The following EFR3B variants were observed in gnomAD, a reference collection of about 807,000 sequenced individuals.
EFR3B encodes the protein EFR3 homolog B, also known as protein EFR3 homolog B.
In EFR3B, 64 loss-of-function variants were observed where a neutral mutation model predicts 104.7. The observed-to-expected ratio is 0.61, with a 90% CI of 0.50 to 0.75. The LOEUF (loss-of-function observed/expected upper bound fraction) is 0.75, where lower values mean the gene tolerates loss of function less well. EFR3B is among the 30% of genes least tolerant of loss of function. The pLI is 0.00. For synonymous variants in EFR3B, 385 were observed against 417.9 expected (o/e 0.92, Z 0.96); for missense variants, 750 against 1,078.5 (o/e 0.70, Z 4.27).
At position 25,136,415 on chromosome 2, in the gene EFR3B, G is replaced by A. The variant is rs1302415442; in HGVS notation, c.1485-108G>A. The A allele has an allele frequency of 7.1e-6, 6 of 846,184 alleles. No homozygotes were observed. The highest frequency in any genetic ancestry group is 5.6e-5 in the East Asian group (2 of 36,020). The allele number at this position is 846,184 out of a possible 1,614,324, so 52.4% of individuals were successfully genotyped here. On this transcript the variant is annotated intron_variant, in intron 13 of 22. Transcript: ENST00000403714. This position sits in a 1 kb window ranked among gnomAD's most constrained non-coding sequence, Gnocchi z 4.0. Reference sequence around the variant, plus strand: ...TGAGAACCAGGGCCAGGGGAGCACTGGAGGCTTTGTACCAACTAACAATGT... The same window carrying A: ...TGAGAACCAGGGCCAGGGGAGCACTAGAGGCTTTGTACCAACTAACAATGT...
intron 6 of EFR3B, among the ~76,000 whole-genome samples, chr2:25,129,152 C>T (rs1670254515): frequency 6.6e-6 from 1 of 151,850 alleles, no homozygotes; most frequent in Non-Finnish European, 1.5e-5. Context: ...GGTTTTAATC[C>T]TGGATCCCCT....
At position 25,154,560 on chromosome 2, in the gene EFR3B, A is replaced by C; in HGVS notation, c.*220A>C. 5 of 528,304 alleles carry C rather than the reference A, an allele frequency of 9.5e-6. No homozygotes were observed. Among genetic ancestry groups the C allele is most frequent in the Non-Finnish European group, 6.7e-6 (2 of 299,252 alleles). 32.7% of individuals were successfully genotyped at this position (528,304 alleles called of 1,614,324 possible). On this transcript the variant is annotated 3_prime_UTR_variant, in exon 23 of 23. Coordinates refer to ENST00000403714, the MANE Select transcript of EFR3B (RefSeq NM_014971.2). This position sits in a 1 kb window ranked among gnomAD's most constrained non-coding sequence, Gnocchi z 4.1. ...GGGAGGTCTCACCAATCAGCATCTC[A>C]CCTGTGCCCTCTTTGTCTTCTCTTG...
chr2:25,098,491 A>G (rs1669343262), intron 3 of EFR3B, among the ~76,000 whole-genome samples: 2 of 152,126 alleles, frequency 1.3e-5, no homozygotes, highest in South Asian at 4.1e-4. Context: ...GCTGGTAGTA[A>G]TCTTCTAACT....
rs545700379 is a variant in EFR3B, at chr2:25,048,136, C to T, written c.7+5817C>T. Among the ~76,000 whole-genome samples the T allele has an allele frequency of 3.3e-5, 5 of 152,140 alleles. No individual in the cohort carries two copies. In the South Asian group the frequency reaches 1.0e-3, roughly 32 times the overall value. On this transcript the variant is annotated intron_variant, in intron 1 of 22. Transcript: ENST00000403714. Reference sequence around the variant, plus strand: ...GCTTAAGTGATCCTCCTGCTTCAGCCTCCTGAGTAGCTGGGACTACAGGCA... The same window carrying T: ...GCTTAAGTGATCCTCCTGCTTCAGCTTCCTGAGTAGCTGGGACTACAGGCA...
At chr2:25,152,813 A>T (rs1671049849) in intron 21 of EFR3B, among the ~76,000 whole-genome samples, 1 of 141,352 alleles carries the variant, frequency 7.1e-6, no homozygotes, top group South Asian at 2.2e-4. Context: ...TTCATATAGA[A>T]GTGTGTGTGT....
At chr2:25,092,467 A>G (rs940971014) in intron 2 of EFR3B, among the ~76,000 whole-genome samples, 2 of 151,910 alleles carry the variant, frequency 1.3e-5, no homozygotes, top group Non-Finnish European at 2.9e-5. Context: ...ACACCCATAC[A>G]CACATACATG....
intron 1 of EFR3B, among the ~76,000 whole-genome samples, chr2:25,063,138 C>G (rs959382405): frequency 6.8e-6 from 1 of 146,892 alleles, no homozygotes; most frequent in Non-Finnish European, 1.5e-5. Flanking sequence ...CGGGGTTTCA[C>G]CATGTTGGCC....
intron 4 of EFR3B, among the ~76,000 whole-genome samples, chr2:25,113,372 G>A (rs916721524): frequency 6.6e-6 from 1 of 152,160 alleles, no homozygotes; most frequent in African/African-American, 2.4e-5. Flanking sequence ...AGGAGTTCCT[G>A]TTGTATTATG....
intron 18 of EFR3B, 37 bp from the exon 19 acceptor site, chr2:25,144,923 G>A (rs1283441295): frequency 6.5e-7 from 1 of 1,536,884 alleles, no homozygotes; most frequent in East Asian, 2.4e-5. Flanking sequence ...ATCTCTGAGG[G>A]CTGGGAACTA....
At chr2:25,109,619 A>G (rs1314133949) in intron 4 of EFR3B, among the ~76,000 whole-genome samples, 1 of 152,228 alleles carries the variant, frequency 6.6e-6, no homozygotes, top group East Asian at 1.9e-4. Flanking sequence ...GAAACAACCA[A>G]AAAGGTCACC....
chr2:25,093,434 C>T (rs556949999), intron 3 of EFR3B, among the ~76,000 whole-genome samples: 6 of 151,850 alleles, frequency 4.0e-5, no homozygotes, highest in African/African-American at 1.4e-4. Flanking sequence ...GTCGAGGCTG[C>T]AGGGAACCAT....
chr2:25,065,755 T>G (rs928542626), intron 1 of EFR3B, among the ~76,000 whole-genome samples: 2 of 152,174 alleles, frequency 1.3e-5, no homozygotes, highest in Admixed American at 6.5e-5. Context: ...CAGGACTCAG[T>G]GCCCCTGGGG....
chr2:25,143,918 A>G, intron 18 of EFR3B, 56 bp downstream of exon 18: 1 of 1,537,588 alleles, frequency 6.5e-7, no homozygotes, highest in Non-Finnish European at 8.8e-7. Context: ...TTGGCCAGGT[A>G]AGGGCCTGAG....
At chr2:25,148,774 T>C (rs1332805090) in intron 19 of EFR3B, among the ~76,000 whole-genome samples, 2 of 149,746 alleles carry the variant, frequency 1.3e-5, no homozygotes, top group African/African-American at 2.5e-5. Context: ...TACAAAAAAT[T>C]AGCCGGGCGT....
At position 25,145,109 on chromosome 2, in the gene EFR3B, A is replaced by G. The variant is rs780778735; in HGVS notation, c.2142+58A>G. On this transcript the variant is annotated intron_variant, in intron 19 of 22. Coordinates refer to ENST00000403714, the MANE Select transcript of EFR3B (RefSeq NM_014971.2). ...CCACCTCCTGTAGATTGGACGCTGGACTCCAGGCTCCCCTGCCTGCATAGT... is the reference window on the plus strand; with the variant it reads ...CCACCTCCTGTAGATTGGACGCTGGGCTCCAGGCTCCCCTGCCTGCATAGT... 8.2e-6 allele frequency: 12 copies of G among 1,471,742 alleles called. No homozygotes were observed. In the South Asian group the frequency reaches 1.5e-4, roughly 18 times the overall value. 91.2% of individuals were successfully genotyped at this position (1,471,742 alleles called of 1,614,324 possible). A position where few individuals can be genotyped will look rare whatever the true frequency, so the allele number is the denominator to read the frequency against.
At chr2:25,150,408 C>T (rs768180137) in intron 20 of EFR3B, among the ~76,000 whole-genome samples, 4 of 151,684 alleles carry the variant, frequency 2.6e-5, no homozygotes, top group Non-Finnish European at 5.9e-5. Flanking sequence ...AACAAGCTGG[C>T]CAATGGAAGA....
At chr2:25,151,843 C>G in intron 20 of EFR3B, 71 bp from the exon 21 acceptor site, 3 of 1,501,400 alleles carry the variant, frequency 2.0e-6, no homozygotes, top group Non-Finnish European at 2.7e-6. Context: ...ATGGACAGTG[C>G]TCCCTGGAGG....
intron 5 of EFR3B, among the ~76,000 whole-genome samples, chr2:25,124,277 A>AGTGTGTGTGTGTGTGT (rs5829961): frequency 1.6e-5 from 2 of 124,896 alleles, no homozygotes; most frequent in East Asian, 2.5e-4. Context: ...TGTGCATGCA[A>AGTGTGTGTGTGTGTGT]GTGTGTGTGT....
chr2:25,145,161 T>A (rs10180231), intron 19 of EFR3B, 110 bp downstream of exon 19: 1 of 954,944 alleles, frequency 1.0e-6, no homozygotes, highest in South Asian at 1.4e-5. Flanking sequence ...GGAAAGCAAG[T>A]TTCTCGAGTA....
Sources: allele counts gnomAD v4.1 joint callset (sites outside exome capture counted in the v4.1 genomes callset), GRCh38; gene constraint gnomAD v4.1.1; non-coding constraint Gnocchi (gnomAD v3.1); transcripts MANE v1.5; gene names NCBI Gene and HGNC (gene_info 2026-07-23, HGNC 2026-07-21).